The following FYB1 variants were observed in gnomAD, a reference collection of about 807,000 sequenced individuals.
The protein encoded by FYB1 is FYN binding protein 1, also known as FYN-binding protein 1.
A neutral mutation model predicts 94.1 loss-of-function variants in FYB1; 41 were observed. The observed-to-expected ratio is 0.44, with a 90% confidence interval of 0.34 to 0.57. FYB1 has a LOEUF of 0.57. FYB1 is among the 20% of genes least tolerant of loss of function. FYB1 has a pLI of 0.02. For missense variants in FYB1, 1,050 were observed against 976.8 expected, an observed-to-expected ratio of 1.07 and a Z score of -1.00; for synonymous variants, 367 against 353.2, an observed-to-expected ratio of 1.04 and a Z score of -0.44.
chr5:39,106,776 C>A lies in FYB1; in HGVS notation c.*667G>T, dbSNP rs954058497. On this transcript the variant is annotated 3_prime_UTR_variant, in exon 19 of 19. Transcript: ENST00000512982. ...GCAAAAAGAGAACTTGTTTTAGACT[C>A]TTCTACAGTTTAGACTTCAATGTGC... The A allele has an allele frequency of 1.3e-5, 2 of 152,050 alleles. No homozygotes were observed. Among genetic ancestry groups the A allele is most frequent in the Non-Finnish European group, 2.9e-5 (2 of 67,934 alleles). 9.4% of individuals were successfully genotyped at this position (152,050 alleles called of 1,614,324 possible).
chr5:39,140,968 A>C (rs1742121163), intron 4 of FYB1, 127 bp downstream of exon 4: 1 of 662,158 alleles, frequency 1.5e-6, no homozygotes, highest in African/African-American at 1.8e-5. Flanking sequence ...TAAACAAATA[A>C]AACGAGAGGG....
At chr5:39,161,588 G>T (rs539226415) in intron 2 of FYB1, among the ~76,000 whole-genome samples, 29 of 143,042 alleles carry the variant, frequency 2.0e-4, no homozygotes, top group African/African-American at 4.1e-4. Context: ...GAGCAATCTG[G>T]TTTTTTTTTT....
intron 1 of FYB1, among the ~76,000 whole-genome samples, chr5:39,257,325 TA>T (rs1207096793): frequency 3.9e-5 from 6 of 152,032 alleles, no homozygotes; most frequent in Non-Finnish European, 8.8e-5. Context: ...GCAAAGGTCC[TA>T]ATATGAAAAA....
intron 1 of FYB1, among the ~76,000 whole-genome samples, chr5:39,243,789 C>T (rs1381583467): frequency 6.6e-6 from 1 of 152,074 alleles, no homozygotes. Context: ...AATGTTCTTC[C>T]ATTTGTTTGT....
chr5:39,246,134 G>GTTTAAAAAAT (rs1471386174), intron 1 of FYB1, among the ~76,000 whole-genome samples: 1 of 152,132 alleles, frequency 6.6e-6, no homozygotes, highest in Non-Finnish European at 1.5e-5. Flanking sequence ...ACCTCTGTTT[G>GTTTAAAAAAT]GGGTGGACCA....
intron 4 of FYB1, among the ~76,000 whole-genome samples, chr5:39,140,204 G>C (rs576392397): frequency 6.6e-6 from 1 of 152,166 alleles, no homozygotes; most frequent in Non-Finnish European, 1.5e-5. Context: ...ACAACTGACC[G>C]AATGGGAGAA....
At chr5:39,224,779 A>C (rs935332297) in intron 1 of FYB1, among the ~76,000 whole-genome samples, 7 of 152,172 alleles carry the variant, frequency 4.6e-5, no homozygotes, top group Admixed American at 1.3e-4. Context: ...TTTAATGTGT[A>C]AAAAGTGGCT....
intron 2 of FYB1, among the ~76,000 whole-genome samples, chr5:39,180,539 T>C (rs1009035079): frequency 6.6e-6 from 1 of 152,220 alleles, no homozygotes; most frequent in Non-Finnish European, 1.5e-5. Flanking sequence ...AGGAAGACTA[T>C]GTGGGCAGAA....
At chr5:39,227,785 T>G (rs563098158) in intron 1 of FYB1, among the ~76,000 whole-genome samples, 1 of 152,182 alleles carries the variant, frequency 6.6e-6, no homozygotes, top group South Asian at 2.1e-4. Flanking sequence ...GAAGAAAAAA[T>G]TTCAACTCCT....
At chr5:39,225,169 A>G (rs1031782871) in intron 1 of FYB1, among the ~76,000 whole-genome samples, 2 of 152,218 alleles carry the variant, frequency 1.3e-5, no homozygotes, top group African/African-American at 4.8e-5. Flanking sequence ...GCAGTAAAAT[A>G]TATTTGAGTA....
At chr5:39,219,636 A>G, upstream of FYB1, 1 of 982,956 alleles carries the variant, frequency 1.0e-6, no homozygotes, top group Non-Finnish European at 1.2e-6. Context: ...TCCCCTGACC[A>G]GGCAAACTTA....
At chr5:39,242,982 G>A (rs1202072498) in intron 1 of FYB1, among the ~76,000 whole-genome samples, 2 of 152,042 alleles carry the variant, frequency 1.3e-5, no homozygotes, top group Non-Finnish European at 2.9e-5. Flanking sequence ...CTTTTTGATG[G>A]GGTTGTTTGT....
intron 1 of FYB1, among the ~76,000 whole-genome samples, chr5:39,231,242 AC>A: frequency 6.6e-6 from 1 of 151,760 alleles, no homozygotes; most frequent in East Asian, 1.9e-4. Context: ...GTTACCTTGG[AC>A]AAGTCATGTC....
chr5:39,175,085 TAAAC>T (rs1221376531), intron 2 of FYB1, among the ~76,000 whole-genome samples: 1 of 151,914 alleles, frequency 6.6e-6, no homozygotes, highest in African/African-American at 2.4e-5. Context: ...GATTGACAAA[TAAAC>T]AATAAGGAGG....
chr5:39,211,351 C>A (rs1210427709), intron 1 of FYB1, among the ~76,000 whole-genome samples: 1 of 148,922 alleles, frequency 6.7e-6, no homozygotes, highest in Non-Finnish European at 1.5e-5. Flanking sequence ...GACGGAGTCT[C>A]GCTCTGTCGC....
At chr5:39,133,733 T>TA (rs1741409553) in intron 9 of FYB1, among the ~76,000 whole-genome samples, 2 of 152,126 alleles carry the variant, frequency 1.3e-5, no homozygotes, top group South Asian at 2.1e-4. Context: ...CTAGGGATCA[T>TA]AAAAAAACGG....
rs1744124473 is a variant in FYB1, at chr5:39,160,198, C to T, written c.1136-6594G>A. On this transcript the variant is annotated intron_variant, in intron 2 of 18. Coordinates refer to ENST00000512982, the MANE Select transcript of FYB1 (RefSeq NM_001465.6). ...TGACATCTCCAAGTCTTCATTTTCTCATCTGCGAAATGGTCACATACATGC... is the reference window on the plus strand; with the variant it reads ...TGACATCTCCAAGTCTTCATTTTCTTATCTGCGAAATGGTCACATACATGC... Among the ~76,000 whole-genome samples, 7 of 152,294 alleles carry T rather than the reference C, an allele frequency of 4.6e-5. No individual in the cohort carries two copies. In the South Asian group the frequency reaches 1.5e-3, roughly 32 times the overall value.
intron 1 of FYB1, among the ~76,000 whole-genome samples, chr5:39,232,928 G>T (rs1328472618): frequency 1.1e-4 from 16 of 152,074 alleles, no homozygotes; most frequent in South Asian, 2.1e-4. Flanking sequence ...TAGTATTCCA[G>T]GGTGTATATG....
At chr5:39,208,689 C>T (rs1749074851) in intron 1 of FYB1, among the ~76,000 whole-genome samples, 1 of 152,104 alleles carries the variant, frequency 6.6e-6, no homozygotes, top group Non-Finnish European at 1.5e-5. Context: ...CCTAAGGCTT[C>T]GGAGATTGCA....
Sources: allele counts gnomAD v4.1 joint callset (sites outside exome capture counted in the v4.1 genomes callset), GRCh38; gene constraint gnomAD v4.1.1; transcripts MANE v1.5; gene names NCBI Gene and HGNC (gene_info 2026-07-23, HGNC 2026-07-21).